The following LRIG1 variants were observed in gnomAD, a reference collection of about 807,000 sequenced individuals.
The protein encoded by LRIG1 is leucine-rich repeats and immunoglobulin-like domains protein 1.
A neutral mutation model predicts 99.2 loss-of-function variants in LRIG1; 48 were observed. That is an observed-to-expected ratio of 0.48 (90% CI 0.38 to 0.62). The LOEUF (loss-of-function observed/expected upper bound fraction) is 0.62, where lower values mean the gene tolerates loss of function less well. LRIG1 is among the 20% of genes least tolerant of loss of function. LRIG1 has a pLI of 0.00. For synonymous variants in LRIG1, 772 were observed against 596.1 expected (o/e 1.29, Z -4.30); for missense variants, 1,646 against 1,434.4 (o/e 1.15, Z -2.38).
At chr3:66,399,545 G>C (rs1216378754) in intron 9 of LRIG1, among the ~76,000 whole-genome samples, 1 of 152,220 alleles carries the variant, frequency 6.6e-6, no homozygotes, top group Non-Finnish European at 1.5e-5. Context: ...GGCTGAGGCA[G>C]GAGGATCACT....
chr3:66,428,925 G>A (rs1022291300), intron 3 of LRIG1, among the ~76,000 whole-genome samples: 8 of 152,166 alleles, frequency 5.3e-5, no homozygotes, highest in Non-Finnish European at 8.8e-5. Flanking sequence ...GGGAATTTTG[G>A]CAGATTCTCA....
intron 3 of LRIG1, chr3:66,417,660 G>A (rs761848686): frequency 7.9e-5 from 14 of 177,542 alleles, no homozygotes; most frequent in Admixed American, 1.1e-4. Context: ...ACCTAGTCCA[G>A]CCTCATAACT....
At chr3:66,473,690 C>G (rs908046578) in intron 1 of LRIG1, among the ~76,000 whole-genome samples, 1 of 152,204 alleles carries the variant, frequency 6.6e-6, no homozygotes, top group African/African-American at 2.4e-5. Context: ...CGAATTTACC[C>G]ACAACTTTTC....
intron 9 of LRIG1, among the ~76,000 whole-genome samples, chr3:66,400,967 C>T (rs1575661459): frequency 1.3e-5 from 2 of 152,226 alleles, no homozygotes; most frequent in African/African-American, 4.8e-5. Flanking sequence ...GGCTGCCTGA[C>T]CCTCCGTTTC....
intron 1 of LRIG1, among the ~76,000 whole-genome samples, chr3:66,481,626 T>G (rs1213977096): frequency 6.6e-6 from 1 of 152,208 alleles, no homozygotes; most frequent in Non-Finnish European, 1.5e-5. Flanking sequence ...AAAATTAAAA[T>G]GCTTCTCACC....
intron 12 of LRIG1, 66 bp from the exon 13 acceptor site, chr3:66,386,367 C>G: frequency 7.3e-7 from 1 of 1,378,602 alleles, no homozygotes; most frequent in Non-Finnish European, 1.0e-6. Context: ...AGCTGCTGTT[C>G]ATGCTAACAG....
At chr3:66,393,229 A>C (rs559044058) in intron 12 of LRIG1, among the ~76,000 whole-genome samples, 1 of 152,322 alleles carries the variant, frequency 6.6e-6, no homozygotes, top group South Asian at 2.1e-4. Flanking sequence ...AGGGATCTCA[A>C]GGCTCAAGGG....
At chr3:66,402,701 T>C (rs144376769) in intron 9 of LRIG1, among the ~76,000 whole-genome samples, 2 of 152,106 alleles carry the variant, frequency 1.3e-5, no homozygotes, top group African/African-American at 2.4e-5. Context: ...CTGGCTGCAC[T>C]CCCCACAGGA....
chr3:66,412,706 G>C (rs957740640), intron 6 of LRIG1, among the ~76,000 whole-genome samples, 165 bp downstream of exon 6: 3 of 151,792 alleles, frequency 2.0e-5, no homozygotes, highest in Non-Finnish European at 4.4e-5. Flanking sequence ...ACACGCGCAC[G>C]CACACACACC....
Position 66,382,262 on chromosome 3 carries a change from T to C in LRIG1, c.2617+11A>G, listed in dbSNP as rs1425703802. ...CAGCAGAGCTCTGCTTCACAGTTACTGAGGCCTTACCATTGCTCTCAATGT... is the reference window on the plus strand; with the variant it reads ...CAGCAGAGCTCTGCTTCACAGTTACCGAGGCCTTACCATTGCTCTCAATGT... On this transcript the variant is annotated intron_variant, in intron 16 of 18. Transcript: ENST00000273261. The C allele has an allele frequency of 1.2e-6, 2 of 1,613,922 alleles. No individual in the cohort carries two copies. The highest frequency in any genetic ancestry group is 1.3e-5 in the African/African-American group (1 of 74,932).
chr3:66,461,390 A>C (rs1040090693), intron 2 of LRIG1, among the ~76,000 whole-genome samples: 16 of 152,252 alleles, frequency 1.1e-4, no homozygotes, highest in African/African-American at 3.6e-4. Context: ...CTTACCTAAT[A>C]ATGTCTAATA....
At chr3:66,401,372 C>G (rs1046816452) in intron 9 of LRIG1, among the ~76,000 whole-genome samples, 1 of 152,210 alleles carries the variant, frequency 6.6e-6, no homozygotes, top group Non-Finnish European at 1.5e-5. Context: ...CGCCCAGGCA[C>G]TGTGTGCCCC....
chr3:66,386,312 A>G lies in LRIG1; in HGVS notation c.1469-11T>C. 6.2e-7 allele frequency: 1 copy of G among 1,611,632 alleles called. No individual in the cohort carries two copies. Reference sequence around the variant, plus strand: ...GCTTCAGGAAGTCATCTGGGGAGAGAAGGGTCAACTGTAAAGCGCTGGGTT... The same window carrying G: ...GCTTCAGGAAGTCATCTGGGGAGAGGAGGGTCAACTGTAAAGCGCTGGGTT... On this transcript the variant is annotated splice_polypyrimidine_tract_variant and intron_variant, in intron 12 of 18. Coordinates refer to ENST00000273261, the MANE Select transcript of LRIG1 (RefSeq NM_015541.3).
chr3:66,468,653 C>T (rs2106858664), intron 1 of LRIG1, among the ~76,000 whole-genome samples: 1 of 152,328 alleles, frequency 6.6e-6, no homozygotes, highest in South Asian at 2.1e-4. Context: ...GCCGTGGGCT[C>T]TGGCGATTCA....
At chr3:66,468,720 T>C (rs942190703) in intron 1 of LRIG1, among the ~76,000 whole-genome samples, 1 of 152,196 alleles carries the variant, frequency 6.6e-6, no homozygotes, top group African/African-American at 2.4e-5. Context: ...AATTGCCTGC[T>C]TGGGACTCAC....
chr3:66,398,823 G>A, intron 10 of LRIG1, 147 bp downstream of exon 10: 1 of 673,072 alleles, frequency 1.5e-6, no homozygotes, highest in East Asian at 2.7e-5. Flanking sequence ...GGCCAAAGCT[G>A]AAGCTGACAT....
intron 4 of LRIG1, among the ~76,000 whole-genome samples, chr3:66,416,052 T>G (rs1559787932): frequency 4.6e-5 from 7 of 152,160 alleles, no homozygotes. Context: ...CACCTCAGAT[T>G]AAAGAACAGC....
chr3:66,487,429 T>G (rs1322635226), intron 1 of LRIG1, among the ~76,000 whole-genome samples: 1 of 152,110 alleles, frequency 6.6e-6, no homozygotes, highest in Non-Finnish European at 1.5e-5. Flanking sequence ...TCAGAACCCC[T>G]TAGAGAAACA....
intron 1 of LRIG1, among the ~76,000 whole-genome samples, chr3:66,482,099 C>G (rs1700865330): frequency 1.3e-5 from 2 of 152,246 alleles, no homozygotes; most frequent in Admixed American, 1.3e-4. Context: ...GCAGCCTGGG[C>G]ACAGGCAGGC....
Sources: gnomAD v4.1 joint callset for allele counts (sites outside exome capture counted in the v4.1 genomes callset) on GRCh38, gnomAD v4.1.1 for gene constraint, MANE v1.5 for transcripts, NCBI Gene and HGNC (gene_info 2026-07-23, HGNC 2026-07-21) for gene names.